The following NXPH1 variants were observed in gnomAD, a reference collection of about 807,000 sequenced individuals.
NXPH1 encodes neurexophilin-1.
In NXPH1, 5 loss-of-function variants were observed where a neutral mutation model predicts 23.7. That is an observed-to-expected ratio of 0.21 (90% CI 0.11 to 0.44). NXPH1 has a LOEUF of 0.44. Among genes scored for constraint, NXPH1 ranks in the 20% least tolerant of loss-of-function variants. The pLI, the probability that NXPH1 is intolerant of heterozygous loss-of-function variation, is 0.99. For missense variants in NXPH1, 324 were observed against 321.6 expected (o/e 1.01, Z -0.06); for synonymous variants, 144 against 122.2 (o/e 1.18, Z -1.18).
chr7:8,704,542 C>T (rs1046665235), intron 2 of NXPH1, among the ~76,000 whole-genome samples: 1 of 152,096 alleles, frequency 6.6e-6, no homozygotes, highest in Non-Finnish European at 1.5e-5. Context: ...CCTGAATTCA[C>T]TGGGGTTTCT....
chr7:8,696,321 C>T (rs574362850), intron 2 of NXPH1, among the ~76,000 whole-genome samples: 1 of 152,174 alleles, frequency 6.6e-6, no homozygotes, highest in African/African-American at 2.4e-5. Context: ...ACTCTAATGA[C>T]TATGGGGACA....
At chr7:8,745,651 C>G (rs956304455) in intron 2 of NXPH1, among the ~76,000 whole-genome samples, 4 of 151,632 alleles carry the variant, frequency 2.6e-5, no homozygotes, top group Non-Finnish European at 2.9e-5. Context: ...TTCCCTGATT[C>G]AAGCAATTCT....
chr7:8,659,882 G>T (rs1204725926), intron 2 of NXPH1, among the ~76,000 whole-genome samples: 2 of 152,154 alleles, frequency 1.3e-5, no homozygotes, highest in African/African-American at 2.4e-5. Flanking sequence ...TCTCAGCTCT[G>T]ATGCAACTTA....
intron 2 of NXPH1, among the ~76,000 whole-genome samples, chr7:8,729,318 G>GT (rs1205965234): frequency 2.1e-5 from 3 of 142,740 alleles, no homozygotes; most frequent in Admixed American, 1.4e-4. Flanking sequence ...TTTTTGAAGG[G>GT]TTTTTTGTGT....
chr7:8,529,462 C>T (rs1285819760), intron 2 of NXPH1, among the ~76,000 whole-genome samples: 1 of 152,040 alleles, frequency 6.6e-6, no homozygotes, highest in Non-Finnish European at 1.5e-5. Context: ...GATAAGGAGA[C>T]TTGATGGGAG....
At chr7:8,558,403 A>G (rs6958290) in intron 2 of NXPH1, among the ~76,000 whole-genome samples, 19,714 of 151,508 alleles carry the variant, frequency 0.13, 1,986 homozygotes, top group African/African-American at 0.28. Context: ...GAGCAGCTGG[A>G]GCTTGGGAGA....
At chr7:8,738,904 C>A (rs1377646568) in intron 2 of NXPH1, among the ~76,000 whole-genome samples, 2 of 152,056 alleles carry the variant, frequency 1.3e-5, no homozygotes, top group African/African-American at 4.8e-5. Context: ...CGAACTTCCC[C>A]CAGCAGCTTT....
intron 2 of NXPH1, among the ~76,000 whole-genome samples, chr7:8,575,793 G>T (rs1818743937): frequency 1.3e-5 from 2 of 151,324 alleles, no homozygotes; most frequent in South Asian, 4.2e-4. Flanking sequence ...CTTGGTCAAA[G>T]TTAGCTAGCT....
At chr7:8,687,125 T>G (rs573423411) in intron 2 of NXPH1, among the ~76,000 whole-genome samples, 1 of 152,220 alleles carries the variant, frequency 6.6e-6, no homozygotes, top group Non-Finnish European at 1.5e-5. Flanking sequence ...CCTTCCTACT[T>G]ACTCCTTTTG....
intron 2 of NXPH1, among the ~76,000 whole-genome samples, chr7:8,520,283 T>G (rs75063030): frequency 6.6e-6 from 1 of 152,300 alleles, no homozygotes; most frequent in South Asian, 2.1e-4. Flanking sequence ...TGTCTGACTT[T>G]TTCAGACAAT....
At chr7:8,629,723 G>A (rs540222236) in intron 2 of NXPH1, among the ~76,000 whole-genome samples, 6 of 152,068 alleles carry the variant, frequency 3.9e-5, no homozygotes, top group African/African-American at 9.7e-5. Flanking sequence ...GCAGAGCAAC[G>A]CCCAATAATA....
intron 2 of NXPH1, among the ~76,000 whole-genome samples, chr7:8,567,530 A>G (rs921665967): frequency 6.6e-6 from 1 of 151,966 alleles, no homozygotes; most frequent in Non-Finnish European, 1.5e-5. Context: ...CTAAACTAGA[A>G]CATTTTTATC....
intron 2 of NXPH1, among the ~76,000 whole-genome samples, chr7:8,644,471 G>A (rs79883827): frequency 1.3e-5 from 2 of 151,950 alleles, no homozygotes; most frequent in Non-Finnish European, 2.9e-5. Context: ...CAGTTTGATC[G>A]TCTCTTTATT....
chr7:8,674,631 G>C (rs114874302), intron 2 of NXPH1, among the ~76,000 whole-genome samples: 2,646 of 152,218 alleles, frequency 0.017, 80 homozygotes, highest in African/African-American at 0.06. Context: ...TAGAAGGCCA[G>C]AGATAAGCAT....
chr7:8,549,350 T>G (rs7812117), intron 2 of NXPH1, among the ~76,000 whole-genome samples: 54,302 of 151,442 alleles, frequency 0.36, 10,308 homozygotes, highest in East Asian at 0.51. Context: ...TTGGACTGTA[T>G]TTGCACATCA....
intron 2 of NXPH1, among the ~76,000 whole-genome samples, chr7:8,634,125 C>T (rs948804909): frequency 6.6e-6 from 1 of 152,094 alleles, no homozygotes; most frequent in South Asian, 2.1e-4. Context: ...TTAGCTGTGT[C>T]CCCACTCAAA....
chr7:8,586,008 A>G (rs1449289627), intron 2 of NXPH1, among the ~76,000 whole-genome samples: 1 of 152,198 alleles, frequency 6.6e-6, no homozygotes, highest in South Asian at 2.1e-4. Flanking sequence ...TGGAACAGAC[A>G]TCGACCCTTT....
chr7:8,528,222 G>A (rs190296651), intron 2 of NXPH1, among the ~76,000 whole-genome samples: 19 of 152,328 alleles, frequency 1.2e-4, no homozygotes, highest in Admixed American at 9.2e-4. Context: ...GGCAAGCTTT[G>A]GGGCCTGTGG....
intron 2 of NXPH1, among the ~76,000 whole-genome samples, chr7:8,508,784 T>C (rs1367022513): frequency 6.6e-6 from 1 of 152,106 alleles, no homozygotes; most frequent in Non-Finnish European, 1.5e-5. Context: ...CATAGCACAG[T>C]GATCTGAAGT....
Sources: gnomAD v4.1 joint callset for allele counts (sites outside exome capture counted in the v4.1 genomes callset) on GRCh38, gnomAD v4.1.1 for gene constraint, MANE v1.5 for transcripts, NCBI Gene and HGNC (gene_info 2026-07-23, HGNC 2026-07-21) for gene names.